The following HEATR5A variants were observed in gnomAD, a reference collection of about 807,000 sequenced individuals.
HEATR5A encodes the protein HEAT repeat-containing protein 5A.
Under a neutral mutation model 218.8 loss-of-function variants are expected in HEATR5A, and 178 were observed. The ratio of observed to expected loss-of-function variants is 0.81; its 90% CI spans 0.72 to 0.92. The LOEUF is 0.92. Ranked by LOEUF, HEATR5A falls within the 40% of genes least tolerant of loss-of-function variation. The pLI, the probability that HEATR5A is intolerant of heterozygous loss-of-function variation, is 0.00. For missense variants in HEATR5A, 2,420 were observed against 2,418.9 expected, an observed-to-expected ratio of 1.00 and a Z score of -0.01; for synonymous variants, 864 against 871.6, an observed-to-expected ratio of 0.99 and a Z score of 0.15.
chr14:31,314,794 A>C (rs891783353), intron 27 of HEATR5A, among the ~76,000 whole-genome samples: 4 of 152,188 alleles, frequency 2.6e-5, no homozygotes, highest in Admixed American at 2.0e-4. Context: ...TTCAGGTTTA[A>C]AATACCTCTA....
At chr14:31,371,548 T>C (rs1902037357) in intron 13 of HEATR5A, 1 of 252,688 alleles carries the variant, frequency 4.0e-6, no homozygotes, top group East Asian at 7.4e-5. Context: ...ATAAAATGCA[T>C]AGCTGAAAAG....
At chr14:31,309,720 T>C (rs1450843513) in intron 28 of HEATR5A, among the ~76,000 whole-genome samples, 1 of 152,142 alleles carries the variant, frequency 6.6e-6, no homozygotes, top group African/African-American at 2.4e-5. Context: ...AAATCTCTCT[T>C]AATTTTTTTC....
chr14:31,305,286 A>G (rs1414181021), intron 31 of HEATR5A, 109 bp from the exon 32 acceptor site: 5 of 1,151,264 alleles, frequency 4.3e-6, no homozygotes, highest in Middle Eastern at 2.0e-4. Context: ...TTTTTGAGAC[A>G]GAGTCTCGCT....
At chr14:31,308,294 G>A (rs1214323870) in intron 29 of HEATR5A, among the ~76,000 whole-genome samples, 1 of 152,032 alleles carries the variant, frequency 6.6e-6, no homozygotes, top group Non-Finnish European at 1.5e-5. Flanking sequence ...GATCATCTGA[G>A]GTCAGGAGTT....
intron 33 of HEATR5A, chr14:31,296,683 G>C (rs1468169786): frequency 1.3e-5 from 2 of 152,146 alleles, no homozygotes; most frequent in Non-Finnish European, 2.9e-5. Flanking sequence ...TTTTCTATTA[G>C]AAGTAATCTA....
chr14:31,417,107 A>C (rs2031477088), intron 1 of HEATR5A, among the ~76,000 whole-genome samples: 1 of 152,170 alleles, frequency 6.6e-6, no homozygotes, highest in African/African-American at 2.4e-5. Flanking sequence ...TGCTTTGAGT[A>C]AAGGTACCTT....
chr14:31,415,938 T>C (rs957940598), intron 1 of HEATR5A, among the ~76,000 whole-genome samples: 2 of 151,224 alleles, frequency 1.3e-5, no homozygotes, highest in Non-Finnish European at 3.0e-5. Context: ...CACCATACTA[T>C]GGGTTTTTTT....
Position 31,322,629 on chromosome 14 carries a change from G to A in HEATR5A, c.3787+936C>T, listed in dbSNP as rs140609676. On this transcript the variant is annotated intron_variant, in intron 24 of 35. Coordinates refer to ENST00000543095, the MANE Select transcript of HEATR5A (RefSeq NM_015473.4). The stretch of plus-strand genomic sequence containing the variant: ...AGCCCAGAAGTTTGAGACAGCCTGG[G>A]CAACATAATAAGATCTCACTTCTAC... Among the ~76,000 whole-genome samples the A allele has an allele frequency of 1.5e-4, 23 of 151,988 alleles. No homozygotes were observed. In the East Asian group the frequency reaches 4.4e-3, roughly 29 times the overall value.
In HEATR5A at chr14:31,323,757, C is replaced by T; in HGVS notation, c.3595G>A (p.Asp1199Asn). ...CVDTMQEEEGDKGDDASVLTT... is the reference protein window; with the variant it reads ...CVDTMQEEEGNKGDDASVLTT... The stretch of plus-strand genomic sequence containing the variant: ...AGGACTGAGGCATCATCCCCTTTAT[C>T]TCCTTCTTCTTCTTGCATTGTATCC... Residue 1199 changes from aspartate (D) to asparagine (N), a missense_variant, in exon 24 of 36, where the codon GAT becomes AAT. Asp to Asn is a conservative substitution (Grantham distance 23). Coordinates refer to ENST00000543095, the MANE Select transcript of HEATR5A (RefSeq NM_015473.4). The T allele has an allele frequency of 1.2e-6, 2 of 1,607,440 alleles. No individual in the cohort carries two copies. Among genetic ancestry groups the T allele is most frequent in the East Asian group, 2.2e-5 (1 of 44,816 alleles).
chr14:31,387,198 C>G lies in HEATR5A; in HGVS notation c.1111G>C (p.Gly371Arg). ...AGCTGAGCCTTTTCTCCAAGAAGAC[C>G]ACCTATAGTAGTTCGAAGAATAAAT... ...VSFILRTTIG[G>R]LLGEKAQLAA... The change falls in exon 8 of 36, where the codon GGT becomes CGT. Residue 371 changes from glycine (G) to arginine (R), a missense_variant. By Grantham distance (125) the Gly-to-Arg change is moderately radical. Transcript: ENST00000543095. 6.2e-7 allele frequency: 1 copy of G among 1,613,836 alleles called. No individual in the cohort carries two copies. Among genetic ancestry groups the G allele is most frequent in the East Asian group, 2.2e-5 (1 of 44,880 alleles).
intron 22 of HEATR5A, among the ~76,000 whole-genome samples, chr14:31,331,416 T>G (rs566014326): frequency 2.6e-5 from 4 of 152,326 alleles, no homozygotes; most frequent in Admixed American, 1.3e-4. Context: ...CATCTCACCT[T>G]GGGCTTCATT....
chr14:31,313,765 A>G (rs1899831321), intron 27 of HEATR5A, among the ~76,000 whole-genome samples: 1 of 152,182 alleles, frequency 6.6e-6, no homozygotes, highest in Admixed American at 6.5e-5. Flanking sequence ...GGCCATTTAA[A>G]TCTATATACA....
chr14:31,307,867 T>C (rs753714443), intron 30 of HEATR5A, 26 bp downstream of exon 30: 3 of 1,602,766 alleles, frequency 1.9e-6, no homozygotes, highest in Non-Finnish European at 2.5e-6. Context: ...ACAGAAGCCT[T>C]ACAAAAAAAA....
intron 22 of HEATR5A, among the ~76,000 whole-genome samples, chr14:31,336,361 T>G (rs1900670461): frequency 6.6e-6 from 1 of 150,994 alleles, no homozygotes; most frequent in Non-Finnish European, 1.5e-5. Flanking sequence ...CCCAAAGTGC[T>G]GAGATTACAA....
chr14:31,305,327 A>G (rs1899521916), intron 31 of HEATR5A, 150 bp from the exon 32 acceptor site: 1 of 771,208 alleles, frequency 1.3e-6, no homozygotes, highest in East Asian at 2.7e-5. Context: ...CAATGGCATG[A>G]TCTCGGCTCA....
chr14:31,317,294 ATTTTTTTTTTTT>A (rs35394095), intron 26 of HEATR5A, among the ~76,000 whole-genome samples: 23 of 64,126 alleles, frequency 3.6e-4, no homozygotes, highest in Admixed American at 1.1e-3. Flanking sequence ...CCCGGGCTAG[ATTTTTTTTTTTT>A]TTTTTTTTTT....
At chr14:31,316,578 A>C (rs1899919844) in intron 26 of HEATR5A, among the ~76,000 whole-genome samples, 1 of 152,252 alleles carries the variant, frequency 6.6e-6, no homozygotes, top group Non-Finnish European at 1.5e-5. Context: ...ATAAAACCCC[A>C]ACAAAAATTT....
intron 9 of HEATR5A, among the ~76,000 whole-genome samples, chr14:31,385,128 TA>T (rs966351982): frequency 2.0e-5 from 3 of 152,138 alleles, no homozygotes; most frequent in Non-Finnish European, 4.4e-5. Flanking sequence ...ATAAAAGCCA[TA>T]ATGATATATT....
chr14:31,401,348 T>G (rs1595177971), intron 2 of HEATR5A, among the ~76,000 whole-genome samples: 1 of 152,146 alleles, frequency 6.6e-6, no homozygotes, highest in Non-Finnish European at 1.5e-5. Flanking sequence ...CCGCAACCCT[T>G]CCTGCCATGA....
Sources: gnomAD v4.1 joint callset for allele counts (sites outside exome capture counted in the v4.1 genomes callset) on GRCh38, gnomAD v4.1.1 for gene constraint, MANE v1.5 for transcripts, NCBI Gene and HGNC (gene_info 2026-07-23, HGNC 2026-07-21) for gene names.